Variants in MPDZ observed in about 807,000 individuals in gnomAD.
MPDZ encodes the protein multiple PDZ domain protein.
In MPDZ, 234 loss-of-function variants were observed where a neutral mutation model predicts 239.1. The ratio of observed to expected loss-of-function variants is 0.98; its 90% CI spans 0.88 to 1.09. MPDZ has a LOEUF of 1.09. Ranked by LOEUF, MPDZ falls within the 50% of genes least tolerant of loss-of-function variation. MPDZ has a pLI of 0.00. For synonymous variants in MPDZ, 1,048 were observed against 881.3 expected, an observed-to-expected ratio of 1.19 and a Z score of -3.35; for missense variants, 3,175 against 2,510.0, an observed-to-expected ratio of 1.26 and a Z score of -5.66.
At chr9:13,209,869 A>G (rs1196542833) in intron 10 of MPDZ, among the ~76,000 whole-genome samples, 2 of 152,084 alleles carry the variant, frequency 1.3e-5, no homozygotes, top group African/African-American at 2.4e-5. Context: ...GAGGAAAAGA[A>G]TAAACCGATA....
intron 18 of MPDZ, 58 bp from the exon 19 acceptor site, chr9:13,183,643 C>T (rs1953692756): frequency 6.4e-7 from 1 of 1,552,106 alleles, no homozygotes; most frequent in Non-Finnish European, 8.8e-7. Flanking sequence ...ATATGACAAA[C>T]AATCTCCACT....
intron 39 of MPDZ, among the ~76,000 whole-genome samples, chr9:13,117,050 G>A (rs911977546): frequency 6.6e-6 from 1 of 151,852 alleles, no homozygotes; most frequent in South Asian, 2.1e-4. Flanking sequence ...TATATATAAG[G>A]TTTAATTTAT....
Position 13,190,182 on chromosome 9 carries a change from C to T in MPDZ, c.2086G>A (p.Ala696Thr). ...TCCAGCTCTATGTGCTGAATGCCAG[C>T]CTCCCACATGGCCAAAGGTGCTTGA... ...EVQAPLAMWE[A>T]GIQHIELEKG... is the part of the protein sequence containing the mutation. Residue 696 changes from alanine (A) to threonine (T), a missense_variant, in exon 16 of 47, where the codon GCT becomes ACT. Transcript: ENST00000319217. The T allele has an allele frequency of 6.2e-7, 1 of 1,613,258 alleles. No individual in the cohort carries two copies. The highest frequency in any genetic ancestry group is 8.5e-7 in the Non-Finnish European group (1 of 1,179,544).
In MPDZ at chr9:13,246,210, G is replaced by A. The variant is rs116963717; in HGVS notation, c.183+1425C>T. ...CTCCTGTAATCCCAGCACTTCGGGA[G>A]GCCAAGGCGGATAGATCATTTGAGG... On this transcript the variant is annotated intron_variant, in intron 3 of 46. Coordinates refer to ENST00000319217, the MANE Select transcript of MPDZ (RefSeq NM_001378778.1). Among the ~76,000 whole-genome samples, 776 of 152,286 alleles carry A rather than the reference G, an allele frequency of 5.1e-3. 2 individuals are homozygous for A. Among genetic ancestry groups the A allele is most frequent in the Middle Eastern group, 0.014 (4 of 294 alleles).
chr9:13,132,530 G>A (rs1013417184), intron 32 of MPDZ, among the ~76,000 whole-genome samples: 5 of 152,180 alleles, frequency 3.3e-5, no homozygotes, highest in African/African-American at 7.2e-5. Flanking sequence ...GGAAATAGAT[G>A]TGGAAACAGA....
rs185455752 is a variant in MPDZ at position 13,192,657 on chromosome 9, G to A, written c.1804-362C>T. Among the ~76,000 whole-genome samples, 180 of 152,010 alleles carry A rather than the reference G, an allele frequency of 1.2e-3. 1 individual carries two copies. The highest frequency in any genetic ancestry group is 3.6e-3 in the African/African-American group (149 of 41,490). ...ATAATTATAAAGTAAAAAAAAAATT[G>A]GACAATGACATATATTGTATGCTAG... is the stretch of plus-strand genomic sequence containing the variant. On this transcript the variant is annotated intron_variant, in intron 14 of 46. Transcript: ENST00000319217.
At chr9:13,268,056 T>C (rs905903902) in intron 1 of MPDZ, among the ~76,000 whole-genome samples, 2 of 152,064 alleles carry the variant, frequency 1.3e-5, no homozygotes. Context: ...GGAAGAAGCA[T>C]GGAAGCATTA....
At position 13,190,219 on chromosome 9, in the gene MPDZ, ACT is replaced by A. The variant is rs1275692552; in HGVS notation, c.2047_2048del (p.Ser683TyrfsTer30). ...PVLAMTDAGQ[S>X]TEEVQAPLAM... ...CCAAAGGTGCTTGAACCTCTTCTGT[ACT>A]CTGACCCGCATCAGTCATCGCCAGC... On this transcript the variant is annotated frameshift_variant, in exon 16 of 47. Coordinates refer to ENST00000319217, the MANE Select transcript of MPDZ (RefSeq NM_001378778.1). LOFTEE classifies it high-confidence loss of function. The A allele has an allele frequency of 6.2e-7, 1 of 1,612,894 alleles. No individual in the cohort carries two copies. The highest frequency in any genetic ancestry group is 1.1e-5 in the South Asian group (1 of 91,024).
chr9:13,133,427 T>A (rs1023218256), intron 32 of MPDZ, among the ~76,000 whole-genome samples: 1 of 152,216 alleles, frequency 6.6e-6, no homozygotes, highest in African/African-American at 2.4e-5. Flanking sequence ...ATGAGCTTTC[T>A]TATTTTTAAA....
At chr9:13,112,863 C>G in intron 42 of MPDZ, 148 bp downstream of exon 42, 1 of 786,048 alleles carries the variant, frequency 1.3e-6, no homozygotes, top group Non-Finnish European at 2.0e-6. Context: ...TCATTAAGGA[C>G]TACATTATGT....
intron 1 of MPDZ, among the ~76,000 whole-genome samples, chr9:13,252,076 T>C (rs1968187925): frequency 6.6e-6 from 1 of 152,166 alleles, no homozygotes; most frequent in Admixed American, 6.5e-5. Context: ...AGGATTAATG[T>C]CCAGTCAGTA....
At chr9:13,145,664 T>C (rs1384676469) in intron 26 of MPDZ, among the ~76,000 whole-genome samples, 1 of 152,024 alleles carries the variant, frequency 6.6e-6, no homozygotes, top group Admixed American at 6.6e-5. Context: ...GCAAAATAAG[T>C]ATGACTTGAC....
intron 24 of MPDZ, among the ~76,000 whole-genome samples, chr9:13,156,886 C>G (rs751015785): frequency 2.0e-5 from 3 of 152,118 alleles, no homozygotes; most frequent in Non-Finnish European, 2.9e-5. Context: ...TGCCACAGAT[C>G]TAGCACTTAT....
chr9:13,220,564 T>G (rs185372779), intron 7 of MPDZ, among the ~76,000 whole-genome samples: 40 of 152,104 alleles, frequency 2.6e-4, no homozygotes, highest in African/African-American at 8.9e-4. Context: ...GACATTTCAT[T>G]TGATGCTGCT....
At chr9:13,139,729 T>C (rs774318463) in intron 28 of MPDZ, among the ~76,000 whole-genome samples, 1 of 152,044 alleles carries the variant, frequency 6.6e-6, no homozygotes, top group Non-Finnish European at 1.5e-5. Flanking sequence ...TCTGAGAGAG[T>C]GCCCTGTCCT....
At chr9:13,122,850 G>A (rs1442240869) in intron 36 of MPDZ, among the ~76,000 whole-genome samples, 1 of 151,956 alleles carries the variant, frequency 6.6e-6, no homozygotes, top group African/African-American at 2.4e-5. Flanking sequence ...AACCCAACCT[G>A]GATATCAGCA....
Sources: allele counts gnomAD v4.1 joint callset (sites outside exome capture counted in the v4.1 genomes callset), GRCh38; gene constraint gnomAD v4.1.1; transcripts MANE v1.5; gene names NCBI Gene and HGNC (gene_info 2026-07-23, HGNC 2026-07-21).